The following ADGRV1 variants were observed in gnomAD, a reference collection of about 807,000 sequenced individuals.
ADGRV1 encodes the protein G-protein coupled receptor 98.
A neutral mutation model predicts 596.2 loss-of-function variants in ADGRV1; 359 were observed. That is an observed-to-expected ratio of 0.60 (90% CI 0.55 to 0.66). The LOEUF (loss-of-function observed/expected upper bound fraction) is 0.66, where lower values mean the gene tolerates loss of function less well. Among genes scored for constraint, ADGRV1 ranks in the 30% least tolerant of loss-of-function variants. The pLI, the probability that ADGRV1 is intolerant of heterozygous loss-of-function variation, is 0.00. For missense variants in ADGRV1, 7,274 were observed against 7,575.6 expected (o/e 0.96, Z 1.48); for synonymous variants, 2,681 against 2,679.2 (o/e 1.00, Z -0.02).
intron 85 of ADGRV1, among the ~76,000 whole-genome samples, chr5:91,046,809 C>T (rs2151293930): frequency 6.6e-6 from 1 of 152,250 alleles, no homozygotes; most frequent in South Asian, 2.1e-4. Context: ...CAAACTCAAA[C>T]AAATTAGCAA....
At chr5:90,791,452 G>A in intron 70 of ADGRV1, 106 bp downstream of exon 70, 1 of 832,386 alleles carries the variant, frequency 1.2e-6, no homozygotes, top group Non-Finnish European at 1.8e-6. Flanking sequence ...TATTTAAATG[G>A]AACCACAAAA....
At chr5:90,634,802 G>A (rs1765948253) in intron 9 of ADGRV1, among the ~76,000 whole-genome samples, 1 of 145,632 alleles carries the variant, frequency 6.9e-6, no homozygotes, top group Admixed American at 6.8e-5. Context: ...TATGATGTCT[G>A]TGGCAGTTAG....
chr5:90,715,518 T>TG (rs1295124476), intron 42 of ADGRV1, among the ~76,000 whole-genome samples: 2 of 152,048 alleles, frequency 1.3e-5, no homozygotes, highest in African/African-American at 4.8e-5. Context: ...GACTTTAGAG[T>TG]GGGTGAAAGG....
chr5:90,752,329 C>A (rs1398131453), intron 53 of ADGRV1, among the ~76,000 whole-genome samples: 1 of 151,968 alleles, frequency 6.6e-6, no homozygotes, highest in African/African-American at 2.4e-5. Flanking sequence ...TTCAGGGGTA[C>A]CTATGCAAGT....
chr5:90,790,220 G>A (rs887576754), intron 69 of ADGRV1, among the ~76,000 whole-genome samples: 2 of 152,196 alleles, frequency 1.3e-5, no homozygotes, highest in South Asian at 4.1e-4. Flanking sequence ...TTTCCATTTA[G>A]CAACTGTTTT....
intron 85 of ADGRV1, among the ~76,000 whole-genome samples, chr5:91,062,785 C>T (rs1379171292): frequency 6.6e-6 from 1 of 152,004 alleles, no homozygotes; most frequent in Admixed American, 6.6e-5. Context: ...TTCTTTCTTG[C>T]TGGTTCTTCA....
At chr5:90,702,085 A>G (rs1053036457) in intron 34 of ADGRV1, among the ~76,000 whole-genome samples, 1 of 150,170 alleles carries the variant, frequency 6.7e-6, no homozygotes, top group Non-Finnish European at 1.5e-5. Flanking sequence ...AGATTTTTCT[A>G]TGCTTTTTAG....
At chr5:90,590,438 C>A (rs193011579) in intron 1 of ADGRV1, among the ~76,000 whole-genome samples, 15 of 152,260 alleles carry the variant, frequency 9.9e-5, no homozygotes, top group Admixed American at 4.6e-4. Flanking sequence ...ATGTCTCTTT[C>A]CATATAGCCA....
At chr5:90,901,727 A>G (rs1315287748) in intron 83 of ADGRV1, among the ~76,000 whole-genome samples, 1 of 152,178 alleles carries the variant, frequency 6.6e-6, no homozygotes, top group Non-Finnish European at 1.5e-5. Flanking sequence ...GTTAGGTGAA[A>G]TATAGAACTC....
intron 83 of ADGRV1, among the ~76,000 whole-genome samples, chr5:90,893,481 C>T (rs1016462863): frequency 1.3e-5 from 2 of 151,956 alleles, no homozygotes; most frequent in African/African-American, 4.8e-5. Context: ...TCACTGGGGC[C>T]GTTGTGAAGG....
chr5:90,965,815 A>G (rs1414455124), intron 84 of ADGRV1, among the ~76,000 whole-genome samples: 3 of 152,208 alleles, frequency 2.0e-5, no homozygotes, highest in African/African-American at 7.2e-5. Flanking sequence ...GGAAATTTGA[A>G]CATTTTTCTA....
At chr5:90,710,158 C>A (rs1487844163) in intron 39 of ADGRV1, among the ~76,000 whole-genome samples, 1 of 152,266 alleles carries the variant, frequency 6.6e-6, no homozygotes, top group Admixed American at 6.5e-5. Context: ...CTCTCCCTAC[C>A]CTTTCCCCAT....
At chr5:91,125,819 G>T (rs1378857004) in intron 87 of ADGRV1, among the ~76,000 whole-genome samples, 1 of 152,202 alleles carries the variant, frequency 6.6e-6, no homozygotes, top group Non-Finnish European at 1.5e-5. Flanking sequence ...AGGTATATCA[G>T]ATGAAATGAA....
At position 91,153,256 on chromosome 5, in the gene ADGRV1, G is replaced by C; in HGVS notation, c.18660G>C (p.Gln6220His). 1 of 1,608,706 alleles carries C rather than the reference G, an allele frequency of 6.2e-7. No individual in the cohort carries two copies. The highest frequency in any genetic ancestry group is 8.5e-7 in the Non-Finnish European group (1 of 1,177,524). The change falls in exon 89 of 90, where the codon CAG (glutamine) becomes CAC (histidine). Residue 6220 changes from glutamine to histidine, a missense_variant. Around this residue, in one of 5 missense-constraint regions of ADGRV1, gnomAD observed 1,874 missense variants for 1,970.2 expected, o/e 0.95. Transcript: ENST00000405460. ...PPDWERASFQ[Q>H]GSQASPDLKP... The stretch of plus-strand genomic sequence containing the variant: ...ACTGGGAGAGAGCATCCTTCCAACA[G>C]GGCAGTCAGGCCAGCCCTGATTTAA...
At chr5:91,122,741 A>T (rs972664805) in intron 87 of ADGRV1, among the ~76,000 whole-genome samples, 11 of 152,326 alleles carry the variant, frequency 7.2e-5, no homozygotes, top group Admixed American at 6.5e-4. Context: ...AGAATATGCA[A>T]AAGTTTATCT....
rs148402765 is a variant in ADGRV1, at chr5:90,696,833, A to G, written c.7946-104A>G. ...TATGGAACTGTTATAATTCACTCAT[A>G]TTTTTATTTAACTTTTAAACATAGA... On this transcript the variant is annotated intron_variant, in intron 33 of 89. Transcript: ENST00000405460. 4.4e-4 allele frequency: 330 copies of G among 747,442 alleles called. 2 individuals are homozygous for G. The East Asian group carries it at 8.9e-3, about 20-fold the overall frequency. The allele number at this position is 747,442 out of a possible 1,614,324, so 46.3% of individuals were successfully genotyped here. A position where few individuals can be genotyped will look rare whatever the true frequency, so the allele number is the denominator to read the frequency against.
At chr5:90,850,357 T>C (rs181680010) in intron 79 of ADGRV1, among the ~76,000 whole-genome samples, 9 of 152,280 alleles carry the variant, frequency 5.9e-5, no homozygotes, top group Admixed American at 4.6e-4. Context: ...CACATGGGGC[T>C]TTTGAAAGGA....
intron 85 of ADGRV1, among the ~76,000 whole-genome samples, chr5:91,061,232 C>T (rs945812111): frequency 1.3e-5 from 2 of 152,164 alleles, no homozygotes; most frequent in Admixed American, 6.5e-5. Flanking sequence ...CAAAAAATAA[C>T]AAGTCAGCCT....
Position 90,617,445 on chromosome 5 carries a change from G to A in ADGRV1, c.208-359G>A, listed in dbSNP as rs373488339. ...CTGCCTCAGCCTCCCAAGTAGCTGG[G>A]ACTACAGACACACACCACCACGCCC... On this transcript the variant is annotated intron_variant, in intron 2 of 89. Transcript: ENST00000405460. The A allele has an allele frequency of 1.7e-3, 288 of 167,880 alleles. 2 individuals carry two copies. The highest frequency in any genetic ancestry group is 5.9e-3 in the African/African-American group (244 of 41,676). 10.4% of individuals were successfully genotyped at this position (167,880 alleles called of 1,614,324 possible).
Sources: gnomAD v4.1 joint callset for allele counts (sites outside exome capture counted in the v4.1 genomes callset) on GRCh38, gnomAD v4.1.1 for gene constraint, gnomAD v4.1.1 regional missense constraint, MANE v1.5 for transcripts, NCBI Gene and HGNC (gene_info 2026-07-23, HGNC 2026-07-21) for gene names.